Variants in CMIP observed in about 807,000 individuals in gnomAD.
CMIP encodes c-Maf inducing protein.
In CMIP, 13 loss-of-function variants were observed where a neutral mutation model predicts 97.3. That is an observed-to-expected ratio of 0.13 (90% CI 0.09 to 0.21). CMIP has a LOEUF of 0.21. Ranked by LOEUF, CMIP falls within the 10% of genes least tolerant of loss-of-function variation. The probability of loss-of-function intolerance (pLI) is 1.00; values close to 1 mark genes in which losing one functional copy is unlikely to be tolerated. For missense variants in CMIP, 847 were observed against 1,024.9 expected (o/e 0.83, Z 2.37); for synonymous variants, 538 against 436.3 (o/e 1.23, Z -2.91).
Position 81,696,592 on chromosome 16 carries a change from C to G in CMIP, c.1563C>G (p.Gly521=). The G allele has an allele frequency of 1.2e-6, 2 of 1,606,636 alleles. No homozygotes were observed. Among genetic ancestry groups the G allele is most frequent in the Non-Finnish European group, 1.7e-6 (2 of 1,179,830 alleles). Residue 521 remains glycine (G), a synonymous_variant, in exon 14 of 21, where the codon GGC becomes GGG. Transcript: ENST00000537098. ...CATGCCTGCTGAGCGTGCGGGCCGG[C>G]AAAGATGGCTGGTTCCAGCTCTACA... ...VHSCLLSVRA[G]KDGWFQLYSP... is the part of the protein sequence containing the mutation.
chr16:81,583,816 G>T (rs549776055), intron 1 of CMIP, among the ~76,000 whole-genome samples: 1 of 152,184 alleles, frequency 6.6e-6, no homozygotes, highest in Non-Finnish European at 1.5e-5. Context: ...ATTTTTCTCT[G>T]TAGGCAAATC....
intron 1 of CMIP, among the ~76,000 whole-genome samples, chr16:81,570,344 G>A: frequency 6.6e-6 from 1 of 152,170 alleles, no homozygotes; most frequent in East Asian, 1.9e-4. Flanking sequence ...AGACTTCCGG[G>A]ATGGCTGTCG....
Position 81,710,737 on chromosome 16 carries a change from C to G in CMIP, c.*938C>G, listed in dbSNP as rs1013656195. ...GAGGGATTAAGATCCCCTTGCTCCACTAAGGCCCAAGCTCTTTCTCTCGGC... is the reference window on the plus strand; with the variant it reads ...GAGGGATTAAGATCCCCTTGCTCCAGTAAGGCCCAAGCTCTTTCTCTCGGC... On this transcript the variant is annotated 3_prime_UTR_variant, in exon 21 of 21. Transcript: ENST00000537098. 4 of 152,124 alleles carry G rather than the reference C, an allele frequency of 2.6e-5. No individual in the cohort carries two copies. Among genetic ancestry groups the G allele is most frequent in the African/African-American group, 9.7e-5 (4 of 41,394 alleles). The allele number at this position is 152,124 out of a possible 1,614,324, so 9.4% of individuals were successfully genotyped here.
chr16:81,590,073 C>G (rs1022356121), intron 1 of CMIP, among the ~76,000 whole-genome samples: 6 of 152,124 alleles, frequency 3.9e-5, no homozygotes, highest in Non-Finnish European at 8.8e-5. Context: ...CTGAAGCTCA[C>G]TAGGGCCTCA....
intron 1 of CMIP, among the ~76,000 whole-genome samples, chr16:81,586,493 T>A (rs1282004694): frequency 6.6e-6 from 1 of 152,168 alleles, no homozygotes; most frequent in African/African-American, 2.4e-5. Flanking sequence ...GTGTCTCCCG[T>A]ACTAGGAGAA....
At chr16:81,503,706 A>G (rs919185225) in intron 1 of CMIP, among the ~76,000 whole-genome samples, 3 of 152,198 alleles carry the variant, frequency 2.0e-5, no homozygotes, top group African/African-American at 7.2e-5. Context: ...CTTCTGCCCC[A>G]TTGAGGTGCC....
chr16:81,507,214 A>G (rs2089726137), intron 1 of CMIP, among the ~76,000 whole-genome samples: 1 of 152,222 alleles, frequency 6.6e-6, no homozygotes. Flanking sequence ...CGATTGTGCC[A>G]CTGCACTCCA....
intron 1 of CMIP, among the ~76,000 whole-genome samples, chr16:81,469,335 C>G (rs886840891): frequency 1.3e-5 from 2 of 152,232 alleles, no homozygotes; most frequent in East Asian, 1.9e-4. Flanking sequence ...GCTGTGTGAC[C>G]TTGGTCAAGT....
intron 1 of CMIP, among the ~76,000 whole-genome samples, chr16:81,479,392 T>C (rs965973418): frequency 6.6e-6 from 1 of 152,194 alleles, no homozygotes; most frequent in Non-Finnish European, 1.5e-5. Context: ...CAGTTTTAAG[T>C]GTGCAGTTCA....
intron 1 of CMIP, among the ~76,000 whole-genome samples, chr16:81,560,288 G>A (rs528361072): frequency 2.7e-5 from 4 of 150,464 alleles, no homozygotes; most frequent in Non-Finnish European, 4.4e-5. Flanking sequence ...GCGCAATCTC[G>A]GCTCGCTGCA....
Position 81,655,915 on chromosome 16 carries a change from C to T in CMIP, c.640-1860C>T, listed in dbSNP as rs1393535033. 2.6e-5 allele frequency among the ~76,000 whole-genome samples: 4 copies of T among 152,174 alleles called. No individual in the cohort carries two copies. The highest frequency in any genetic ancestry group is 6.5e-5 in the Admixed American group (1 of 15,280). On this transcript the variant is annotated intron_variant, in intron 4 of 20. Coordinates refer to ENST00000537098, the MANE Select transcript of CMIP (RefSeq NM_198390.3). The surrounding 1 kb of genome is among the most constrained non-coding windows in gnomAD (Gnocchi z 4.9). The stretch of plus-strand genomic sequence containing the variant: ...AATTGGTGGCATGAGCAAAACAAAG[C>T]TCTTACACAGTGCCTGAGGCATAGA...
In CMIP at chr16:81,619,586, G is replaced by A. The variant is rs541062118; in HGVS notation, c.427-1290G>A. The A allele has an allele frequency of 3.3e-5, 5 of 152,374 alleles. No individual in the cohort carries two copies. In the East Asian group the frequency reaches 9.6e-4, roughly 29 times the overall value. 9.4% of individuals were successfully genotyped at this position (152,374 alleles called of 1,614,324 possible). On this transcript the variant is annotated intron_variant, in intron 2 of 20. Transcript: ENST00000537098. Reference sequence around the variant, plus strand: ...GTCAGAGGCAGGGTCACTTTGGAGAGAGGGTTGTGGGTTCTGGTGGGGAAC... The same window carrying A: ...GTCAGAGGCAGGGTCACTTTGGAGAAAGGGTTGTGGGTTCTGGTGGGGAAC...
At chr16:81,684,058 GC>G (rs1035612810) in intron 10 of CMIP, among the ~76,000 whole-genome samples, 1 of 152,234 alleles carries the variant, frequency 6.6e-6, no homozygotes, top group Non-Finnish European at 1.5e-5. Context: ...ACCACGCCCA[GC>G]CTGTTTGGAA....
chr16:81,620,238 T>C (rs4074144), intron 2 of CMIP: 68,042 of 152,120 alleles, frequency 0.45, 16,318 homozygotes, highest in Middle Eastern at 0.58. Context: ...TCACCCGCTG[T>C]GATGTTTAGC....
At chr16:81,475,933 G>A in intron 1 of CMIP, 6 of 414,646 alleles carry the variant, frequency 1.4e-5, no homozygotes, top group South Asian at 1.2e-4. Context: ...CTTGCAGTGA[G>A]CTGAGATTGC....
chr16:81,697,462 C>T (rs1422633538), intron 14 of CMIP: 2 of 152,276 alleles, frequency 1.3e-5, no homozygotes, highest in Admixed American at 1.3e-4. Flanking sequence ...AAAACCAGCT[C>T]CATTTACTGG....
At chr16:81,624,965 A>C (rs999500597) in intron 3 of CMIP, among the ~76,000 whole-genome samples, 3 of 152,204 alleles carry the variant, frequency 2.0e-5, no homozygotes, top group African/African-American at 7.2e-5. Context: ...GGCAATGGAC[A>C]CTGCATTTTG....
chr16:81,533,679 G>A (rs1237371197), intron 1 of CMIP, among the ~76,000 whole-genome samples: 4 of 152,018 alleles, frequency 2.6e-5, no homozygotes, highest in South Asian at 2.1e-4. Flanking sequence ...GGGTTTCACC[G>A]TGTTGCCCAG....
intron 1 of CMIP, among the ~76,000 whole-genome samples, chr16:81,601,458 C>T (rs112543394): frequency 7.2e-5 from 11 of 152,264 alleles, no homozygotes; most frequent in African/African-American, 2.6e-4. Context: ...ACTCTGGAAG[C>T]AGGTCTGAGG....
Sources: gnomAD v4.1 joint callset for allele counts (sites outside exome capture counted in the v4.1 genomes callset) on GRCh38, gnomAD v4.1.1 for gene constraint, Gnocchi (gnomAD v3.1) non-coding constraint, MANE v1.5 for transcripts, NCBI Gene and HGNC (gene_info 2026-07-23, HGNC 2026-07-21) for gene names.